Variants in FHIP2A observed in about 807,000 individuals in gnomAD.
FHIP2A encodes the protein family with sequence similarity 160 member B1.
A neutral mutation model predicts 93.5 loss-of-function variants in FHIP2A; 46 were observed. That is an observed-to-expected ratio of 0.49 (90% CI 0.39 to 0.63). The LOEUF is 0.63. Among genes scored for constraint, FHIP2A ranks in the 20% least tolerant of loss-of-function variants. The pLI is 0.00. For synonymous variants in FHIP2A, 332 were observed against 326.5 expected, an observed-to-expected ratio of 1.02 and a Z score of -0.18; for missense variants, 769 against 909.7, an observed-to-expected ratio of 0.85 and a Z score of 1.99.
intron 16 of FHIP2A, among the ~76,000 whole-genome samples, chr10:114,890,851 T>C (rs1212531783): frequency 6.6e-6 from 1 of 150,494 alleles, no homozygotes; most frequent in Non-Finnish European, 1.5e-5. Flanking sequence ...AAATAATTAT[T>C]GTAGAGGTTT....
rs530778425 is a variant in FHIP2A, at chr10:114,835,321, GT to G, written c.295-214del. Among the ~76,000 whole-genome samples, 158 of 152,300 alleles carry G rather than the reference GT, an allele frequency of 1.0e-3. 1 individual carries two copies. The highest frequency in any genetic ancestry group is 2.9e-3 in the African/African-American group (122 of 41,552). Reference sequence around the variant, plus strand: ...ATGAGCCTGTGGTCTCACATGCTGTGTTATGGTCTCAGATATACAATATTAT... The same window carrying G: ...ATGAGCCTGTGGTCTCACATGCTGTGTATGGTCTCAGATATACAATATTAT... On this transcript the variant is annotated intron_variant, in intron 3 of 16. Coordinates refer to ENST00000369248, the MANE Select transcript of FHIP2A (RefSeq NM_020940.4).
At chr10:114,897,815 G>C (rs2084008247) in intron 16 of FHIP2A, among the ~76,000 whole-genome samples, 1 of 152,142 alleles carries the variant, frequency 6.6e-6, no homozygotes, top group Non-Finnish European at 1.5e-5. Flanking sequence ...AGGCTGAGGT[G>C]GGAGGATTGA....
In FHIP2A at chr10:114,855,221, T is replaced by C. The variant is rs780019402; in HGVS notation, c.1828T>C (p.Leu610=). Residue 610 remains leucine (L), a synonymous_variant, in exon 14 of 17, where the codon TTA becomes CTA. Coordinates refer to ENST00000369248, the MANE Select transcript of FHIP2A (RefSeq NM_020940.4). The part of the protein sequence containing the change: ...RQFRDYCAIC[L]RWEWPGSPKA... ...GTTCCGAGACTACTGTGCTATCTGCTTAAGATGGGAGTGGCCTGGGTCTCC... is the reference window on the plus strand; with the variant it reads ...GTTCCGAGACTACTGTGCTATCTGCCTAAGATGGGAGTGGCCTGGGTCTCC... 37 of 1,613,962 alleles carry C rather than the reference T, an allele frequency of 2.3e-5. No homozygotes were observed. The South Asian group carries it at 3.7e-4, about 16-fold the overall frequency.
chr10:114,871,902 G>A (rs1206766652), intron 16 of FHIP2A, among the ~76,000 whole-genome samples: 1 of 152,136 alleles, frequency 6.6e-6, no homozygotes, highest in East Asian at 1.9e-4. Context: ...CTCACTGAAT[G>A]TAGGCCACCA....
chr10:114,868,115 A>G (rs1056113414), downstream of FHIP2A, among the ~76,000 whole-genome samples: 34 of 151,978 alleles, frequency 2.2e-4, no homozygotes, highest in African/African-American at 8.2e-4. Flanking sequence ...GTAGAGATAC[A>G]GTCTCACTAT....
intron 10 of FHIP2A, 47 bp downstream of exon 10, chr10:114,846,414 C>T (rs762822170): frequency 5.8e-6 from 9 of 1,541,280 alleles, no homozygotes; most frequent in African/African-American, 2.7e-5. Context: ...CTTTGAAATA[C>T]GGTTTTAATG....
At chr10:114,880,801 G>A (rs1344038425) in intron 16 of FHIP2A, among the ~76,000 whole-genome samples, 1 of 152,120 alleles carries the variant, frequency 6.6e-6, no homozygotes, top group Non-Finnish European at 1.5e-5. Context: ...TTCTGATGCT[G>A]TAGGGCATGA....
chr10:114,891,219 A>AATAT (rs67046628), intron 16 of FHIP2A, among the ~76,000 whole-genome samples: 3,535 of 138,414 alleles, frequency 0.026, 127 homozygotes, highest in African/African-American at 0.086. Context: ...AACAACAACA[A>AATAT]ATATATATAT....
chr10:114,847,083 A>C lies in FHIP2A; in HGVS notation c.1569-7A>C, dbSNP rs2083705761. ...GTGCTTTTTATGTGTCATTAAATTT[A>C]ACTTAGAGATCTGGAAGAAGATCCA... On this transcript the variant is annotated splice_polypyrimidine_tract_variant and splice_region_variant and intron_variant, in intron 11 of 16. Transcript: ENST00000369248. 2 of 1,595,318 alleles carry C rather than the reference A, an allele frequency of 1.3e-6. No individual in the cohort carries two copies. The highest frequency in any genetic ancestry group is 1.7e-6 in the Non-Finnish European group (2 of 1,171,482).
At chr10:114,879,729 G>T (rs2083907444) in intron 16 of FHIP2A, among the ~76,000 whole-genome samples, 3 of 152,118 alleles carry the variant, frequency 2.0e-5, no homozygotes, top group African/African-American at 7.2e-5. Context: ...GTCTCGCTCT[G>T]TCACCCAGGC....
intron 16 of FHIP2A, among the ~76,000 whole-genome samples, chr10:114,885,397 GAAAAAAAAAAA>G (rs1177416557): frequency 1.0e-5 from 1 of 95,794 alleles, no homozygotes; most frequent in Non-Finnish European, 2.1e-5. Flanking sequence ...CTCCATCTGA[GAAAAAAAAAAA>G]AAAGAAAAAA....
intron 16 of FHIP2A, among the ~76,000 whole-genome samples, chr10:114,890,959 C>A (rs2083969337): frequency 6.6e-6 from 1 of 151,098 alleles, no homozygotes; most frequent in Non-Finnish European, 1.5e-5. Flanking sequence ...CTTTGGGGAG[C>A]CAAGATGGGA....
At chr10:114,841,124 A>G (rs1404486220) in intron 5 of FHIP2A, among the ~76,000 whole-genome samples, 1 of 152,122 alleles carries the variant, frequency 6.6e-6, no homozygotes, top group Non-Finnish European at 1.5e-5. Context: ...AGACCAGGAT[A>G]CCAACAATCT....
In FHIP2A at chr10:114,839,996, GA is replaced by G. The variant is rs2083660006; in HGVS notation, c.523-2935del. On this transcript the variant is annotated intron_variant, in intron 5 of 16. Coordinates refer to ENST00000369248, the MANE Select transcript of FHIP2A (RefSeq NM_020940.4). ...TGTAATCTAAAGTAGAGTAAGGTGA[GA>G]ATCAAAGGAAAGATACAAAGTAAAT... Among the ~76,000 whole-genome samples, 3 of 152,080 alleles carry G rather than the reference GA, an allele frequency of 2.0e-5. No homozygotes were observed. In the East Asian group the frequency reaches 5.8e-4, roughly 29 times the overall value.
At chr10:114,829,525 T>A (rs1027613078) in intron 1 of FHIP2A, among the ~76,000 whole-genome samples, 1 of 152,244 alleles carries the variant, frequency 6.6e-6, no homozygotes, top group Non-Finnish European at 1.5e-5. Context: ...AGGTCACTTT[T>A]GTGACCATCT....
intron 5 of FHIP2A, among the ~76,000 whole-genome samples, chr10:114,841,243 T>C (rs772795239): frequency 6.6e-6 from 1 of 151,844 alleles, no homozygotes; most frequent in African/African-American, 2.4e-5. Flanking sequence ...ACTAGTATTT[T>C]AAATTGAATG....
intron 16 of FHIP2A, among the ~76,000 whole-genome samples, chr10:114,896,707 T>A (rs538636226): frequency 6.6e-6 from 1 of 152,362 alleles, no homozygotes; most frequent in East Asian, 1.9e-4. Flanking sequence ...TTACACATAT[T>A]GATTGATGTC....
chr10:114,890,421 TTA>T (rs942522083), intron 16 of FHIP2A, among the ~76,000 whole-genome samples: 1 of 150,786 alleles, frequency 6.6e-6, no homozygotes, highest in African/African-American at 2.4e-5. Context: ...TGATTTATGA[TTA>T]TATATATGTG....
chr10:114,889,787 G>T lies in FHIP2A; in HGVS notation c.2193-9703G>T, dbSNP rs114233564. 8.2e-4 allele frequency among the ~76,000 whole-genome samples: 125 copies of T among 152,284 alleles called. 1 individual carries two copies. Among genetic ancestry groups the T allele is most frequent in the African/African-American group, 2.9e-3 (122 of 41,560 alleles). ...GGGCGTGTCCTTTGGGCCCTCCAAG[G>T]GTTGCTCCTCTGGTGGATCTTCTAG... On this transcript the variant is annotated intron_variant, in intron 16 of 16. Transcript: ENST00000369250.
Sources: allele counts gnomAD v4.1 joint callset (sites outside exome capture counted in the v4.1 genomes callset), GRCh38; gene constraint gnomAD v4.1.1; transcripts MANE v1.5; gene names NCBI Gene and HGNC (gene_info 2026-07-23, HGNC 2026-07-21).